The following ANKFN1 variants were observed in gnomAD, a reference collection of about 807,000 sequenced individuals.
The protein encoded by ANKFN1 is ankyrin repeat and fibronectin type-III domain-containing protein 1.
ANKFN1 carries 74 observed loss-of-function variants against 108.7 expected under a neutral mutation model. The observed-to-expected ratio is 0.68, with a 90% confidence interval of 0.56 to 0.83. The LOEUF (loss-of-function observed/expected upper bound fraction) is 0.83. ANKFN1 is among the 40% of genes least tolerant of loss of function. The probability of loss-of-function intolerance (pLI) is 0.00; values close to 1 mark genes in which losing one functional copy is unlikely to be tolerated. For missense variants in ANKFN1, 1,505 were observed against 1,382.3 expected (o/e 1.09, Z -1.41); for synonymous variants, 547 against 516.2 (o/e 1.06, Z -0.81).
At chr17:56,502,207 C>T (rs773637703) in intron 20 of ANKFN1, among the ~76,000 whole-genome samples, 1 of 152,140 alleles carries the variant, frequency 6.6e-6, no homozygotes, top group East Asian at 1.9e-4. Context: ...GCTCACAGAA[C>T]CTTCCCAGTG....
At chr17:56,293,839 C>T (rs1341437820) in intron 3 of ANKFN1, among the ~76,000 whole-genome samples, 1 of 152,118 alleles carries the variant, frequency 6.6e-6, no homozygotes, top group Non-Finnish European at 1.5e-5. Context: ...GAGAGCTGGG[C>T]CCTAATTATC....
At chr17:56,108,766 T>C (rs755176559) in intron 4 of ANKFN1, among the ~76,000 whole-genome samples, 3 of 152,260 alleles carry the variant, frequency 2.0e-5, no homozygotes, top group Non-Finnish European at 4.4e-5. Flanking sequence ...TTATTTTGTA[T>C]GTACAAGGAA....
chr17:56,404,726 G>A (rs781223842), intron 8 of ANKFN1, among the ~76,000 whole-genome samples: 2 of 152,122 alleles, frequency 1.3e-5, no homozygotes, highest in Non-Finnish European at 2.9e-5. Context: ...GGGGGGTATG[G>A]AAGAGCCTTG....
At chr17:56,446,219 C>T (rs1458850403) in intron 10 of ANKFN1, among the ~76,000 whole-genome samples, 2 of 152,292 alleles carry the variant, frequency 1.3e-5, no homozygotes, top group South Asian at 2.1e-4. Flanking sequence ...CAGCTCTCCT[C>T]ACATTGATGG....
intron 3 of ANKFN1, among the ~76,000 whole-genome samples, chr17:56,312,690 T>C (rs1224726916): frequency 1.3e-5 from 2 of 152,190 alleles, no homozygotes; most frequent in Non-Finnish European, 2.9e-5. Flanking sequence ...TTGTCGTTCA[T>C]CACATATTTG....
intron 8 of ANKFN1, among the ~76,000 whole-genome samples, chr17:56,403,761 G>T (rs948952184): frequency 6.6e-6 from 1 of 151,982 alleles, no homozygotes; most frequent in Non-Finnish European, 1.5e-5. Context: ...TATAGTTCCT[G>T]TGTGATTTAT....
chr17:56,435,639 A>G (rs1350140766), intron 8 of ANKFN1, among the ~76,000 whole-genome samples: 6 of 152,218 alleles, frequency 3.9e-5, no homozygotes, highest in South Asian at 2.1e-4. Flanking sequence ...GAAGGAATGT[A>G]ACTTTTACAG....
chr17:56,080,092 C>G (rs1905228028), intron 4 of ANKFN1, among the ~76,000 whole-genome samples: 1 of 152,118 alleles, frequency 6.6e-6, no homozygotes, highest in South Asian at 2.1e-4. Flanking sequence ...ACGTTTTTCA[C>G]CTATCAGACT....
intron 11 of ANKFN1, among the ~76,000 whole-genome samples, chr17:56,453,839 A>G (rs1163671070): frequency 6.6e-6 from 1 of 151,130 alleles, no homozygotes. Flanking sequence ...ATTGTTTTCC[A>G]GCTTTCAGGA....
intron 8 of ANKFN1, among the ~76,000 whole-genome samples, chr17:56,426,581 A>G (rs2048575909): frequency 6.6e-6 from 1 of 152,240 alleles, no homozygotes; most frequent in South Asian, 2.1e-4. Flanking sequence ...ACAAGCAGAT[A>G]TGGAGAAACT....
intron 15 of ANKFN1, among the ~76,000 whole-genome samples, chr17:56,469,358 T>C (rs1379002910): frequency 6.6e-6 from 1 of 151,860 alleles, no homozygotes; most frequent in African/African-American, 2.4e-5. Context: ...GATTTAATTA[T>C]ATCAGGAGTT....
intron 2 of ANKFN1, among the ~76,000 whole-genome samples, chr17:56,221,064 A>T (rs1915862638): frequency 6.6e-6 from 1 of 152,244 alleles, no homozygotes; most frequent in Admixed American, 6.5e-5. Flanking sequence ...AAGGAAACTT[A>T]GAATCATGGC....
At chr17:56,377,283 A>G (rs1274233830) in intron 8 of ANKFN1, among the ~76,000 whole-genome samples, 1 of 152,220 alleles carries the variant, frequency 6.6e-6, no homozygotes, top group East Asian at 1.9e-4. Flanking sequence ...ATATTGTTTT[A>G]TAAGAGTTTG....
chr17:56,206,250 A>G (rs540917557), intron 1 of ANKFN1, among the ~76,000 whole-genome samples: 2 of 152,120 alleles, frequency 1.3e-5, no homozygotes, highest in Non-Finnish European at 2.9e-5. Context: ...TAATTGTCAT[A>G]TTATTATCTA....
Position 56,499,028 on chromosome 17 carries a change from A to T in ANKFN1, c.2574A>T (p.Ser858=), listed in dbSNP as rs1021424837. Residue 858 remains serine, a synonymous_variant, in exon 20 of 21, where the codon TCA becomes TCT. Coordinates refer to ENST00000682825, the MANE Select transcript of ANKFN1 (RefSeq NM_001370326.1). ...GCCTAAAGAAGATCAATTCTACATC[A>T]TCATCACATATAGACTGTCTTCCAT... ...EQSLKKINST[S]SSHIDCLPSP... 60 of 1,535,652 alleles carry T rather than the reference A, an allele frequency of 3.9e-5. No homozygotes were observed. Among genetic ancestry groups the T allele is most frequent in the Non-Finnish European group, 5.1e-5 (59 of 1,146,664 alleles).
chr17:56,302,830 T>C (rs1368001010), intron 3 of ANKFN1, among the ~76,000 whole-genome samples: 1 of 152,226 alleles, frequency 6.6e-6, no homozygotes, highest in Non-Finnish European at 1.5e-5. Context: ...CTTGAATATC[T>C]TTCTGTGTCA....
intron 4 of ANKFN1, among the ~76,000 whole-genome samples, chr17:56,098,101 G>C (rs545650333): frequency 6.6e-6 from 1 of 152,232 alleles, no homozygotes; most frequent in African/African-American, 2.4e-5. Context: ...TATAACCATA[G>C]AGGCAGAGGT....
At chr17:56,267,956 C>T (rs184126809) in intron 3 of ANKFN1, among the ~76,000 whole-genome samples, 6 of 152,008 alleles carry the variant, frequency 3.9e-5, no homozygotes, top group East Asian at 1.9e-4. Flanking sequence ...ATAGAAATAG[C>T]GCTGAATCTG....
intron 19 of ANKFN1, among the ~76,000 whole-genome samples, chr17:56,498,645 A>C (rs997805719): frequency 6.6e-6 from 1 of 152,212 alleles, no homozygotes; most frequent in Non-Finnish European, 1.5e-5. Flanking sequence ...TCCAGCTAGC[A>C]TCTAAGTCTT....
Sources: allele counts gnomAD v4.1 joint callset (sites outside exome capture counted in the v4.1 genomes callset), GRCh38; gene constraint gnomAD v4.1.1; transcripts MANE v1.5; gene names NCBI Gene and HGNC (gene_info 2026-07-23, HGNC 2026-07-21).